COBL: variants seen among roughly 807,000 people sequenced by gnomAD.
The protein encoded by COBL is cordon-bleu WH2 repeat protein, also known as protein cordon-bleu.
Under a neutral mutation model 98.8 loss-of-function variants are expected in COBL, and 51 were observed. The observed-to-expected ratio is 0.52, with a 90% CI of 0.41 to 0.65. COBL has a LOEUF of 0.65. Ranked by LOEUF, COBL falls within the 30% of genes least tolerant of loss-of-function variation. The probability of loss-of-function intolerance (pLI) is 0.00; values close to 1 mark genes in which losing one functional copy is unlikely to be tolerated. For synonymous variants in COBL, 634 were observed against 651.7 expected, an observed-to-expected ratio of 0.97 and a Z score of 0.41; for missense variants, 1,617 against 1,617.5, an observed-to-expected ratio of 1.00 and a Z score of 0.01.
At chr7:51,221,090 G>A (rs1793597809) in intron 1 of COBL, among the ~76,000 whole-genome samples, 1 of 152,116 alleles carries the variant, frequency 6.6e-6, no homozygotes, top group Non-Finnish European at 1.5e-5. Context: ...TGAGAGATCT[G>A]TGGCTCACCT....
rs778585556 is a variant in COBL at position 51,025,371 on chromosome 7, A to C, written c.3506T>G (p.Val1169Gly). 6.2e-7 allele frequency: 1 copy of C among 1,613,204 alleles called. No homozygotes were observed. Among genetic ancestry groups the C allele is most frequent in the Non-Finnish European group, 8.5e-7 (1 of 1,180,000 alleles). Reference sequence around the variant, plus strand: ...GAGCTCCTCAGAAGCAGAGGATGCCACCTGGCAATGAGATGATTAAATGAC... The same window carrying C: ...GAGCTCCTCAGAAGCAGAGGATGCCCCCTGGCAATGAGATGATTAAATGAC... ...GHSGTCSLRK[V>G]ASSASEELQS... Residue 1169 changes from valine (V) to glycine (G), a missense_variant and splice_region_variant, in exon 12 of 13, where the codon GTG becomes GGG. By Grantham distance (109) the Val-to-Gly change is moderately radical. Transcript: ENST00000265136.
chr7:51,202,586 A>G (rs1468955214), intron 2 of COBL, among the ~76,000 whole-genome samples: 1 of 152,240 alleles, frequency 6.6e-6, no homozygotes, highest in East Asian at 1.9e-4. Context: ...GAAACTACAC[A>G]ACACAATCTT....
At position 51,202,589 on chromosome 7, in the gene COBL, A is replaced by G. The variant is rs138182009; in HGVS notation, c.246-9000T>C. ...CTACGGTACATGGAAACTACACAAC[A>G]CAATCTTGAGCAACCACTGAGTCAA... is the stretch of plus-strand genomic sequence containing the variant. On this transcript the variant is annotated intron_variant, in intron 2 of 12. Coordinates refer to ENST00000265136, the MANE Select transcript of COBL (RefSeq NM_015198.5). Among the ~76,000 whole-genome samples the G allele has an allele frequency of 3.0e-3, 456 of 152,352 alleles. 9 individuals are homozygous for G. Among genetic ancestry groups the G allele is most frequent in the Admixed American group, 0.027 (413 of 15,302 alleles).
chr7:51,147,062 T>G (rs777968434), intron 5 of COBL, among the ~76,000 whole-genome samples: 1 of 152,166 alleles, frequency 6.6e-6, no homozygotes, highest in African/African-American at 2.4e-5. Context: ...CAGAAGGCAC[T>G]GCAGAGGGGA....
At chr7:51,190,653 G>A (rs1213427319) in intron 4 of COBL, among the ~76,000 whole-genome samples, 197 bp downstream of exon 4, 2 of 152,166 alleles carry the variant, frequency 1.3e-5, no homozygotes, top group Non-Finnish European at 2.9e-5. Context: ...TGGGAGAAAG[G>A]AGGCACAGCT....
At chr7:51,020,931 C>T (rs1374681163) in intron 12 of COBL, 1 of 152,230 alleles carries the variant, frequency 6.6e-6, no homozygotes, top group Non-Finnish European at 1.5e-5. Flanking sequence ...TGTATTTGAT[C>T]ATGGGCAGCT....
intron 1 of COBL, among the ~76,000 whole-genome samples, chr7:51,223,174 G>A (rs1293452829): frequency 1.3e-5 from 2 of 152,262 alleles, no homozygotes; most frequent in Non-Finnish European, 2.9e-5. Flanking sequence ...ACTGGCTGTG[G>A]CCTAAGCTGC....
At chr7:51,051,368 T>A (rs1263782801) in intron 7 of COBL, among the ~76,000 whole-genome samples, 1 of 152,264 alleles carries the variant, frequency 6.6e-6, no homozygotes, top group African/African-American at 2.4e-5. Context: ...AAGATGTGTA[T>A]TTAATTTCCA....
At chr7:51,038,376 G>A (rs2128882379) in intron 8 of COBL, among the ~76,000 whole-genome samples, 1 of 152,314 alleles carries the variant, frequency 6.6e-6, no homozygotes, top group East Asian at 1.9e-4. Flanking sequence ...GTTTTTAGCT[G>A]TGGCCAGCCC....
chr7:51,077,241 G>C (rs1793180952), intron 7 of COBL, among the ~76,000 whole-genome samples: 1 of 152,170 alleles, frequency 6.6e-6, no homozygotes, highest in Non-Finnish European at 1.5e-5. Context: ...CATGATTAAA[G>C]ACCACAGACC....
rs115611241 is a variant in COBL, at chr7:51,211,685, A to C, written c.245+8056T>G. 3.3e-3 allele frequency among the ~76,000 whole-genome samples: 508 copies of C among 152,338 alleles called. 4 individuals carry two copies. The highest frequency in any genetic ancestry group is 0.012 in the African/African-American group (487 of 41,580). On this transcript the variant is annotated intron_variant, in intron 2 of 12. Transcript: ENST00000265136. ...AGCAACATCTTTGAAGCAATGCAGA[A>C]TAGAGTTTCTCCAATTGTACAAAGA...
chr7:51,240,504 G>C (rs1268758025), intron 1 of COBL, among the ~76,000 whole-genome samples: 1 of 152,088 alleles, frequency 6.6e-6, no homozygotes, highest in Admixed American at 6.6e-5. Flanking sequence ...ATCAGCAACT[G>C]GCTCTACGGA....
Position 51,261,741 on chromosome 7 carries a change from C to T in COBL, c.42-41797G>A, listed in dbSNP as rs543301631. Among the ~76,000 whole-genome samples the T allele has an allele frequency of 2.2e-4, 34 of 152,190 alleles. No homozygotes were observed. The East Asian group carries it at 3.1e-3, about 14-fold the overall frequency. On this transcript the variant is annotated intron_variant, in intron 1 of 12. Transcript: ENST00000265136. ...CAGCACTTTGAGAGGCCGAAGTAGG[C>T]GGATCACCTGAGGTCAGGAGTTTGA... is the stretch of plus-strand genomic sequence containing the variant.
At position 51,153,387 on chromosome 7, in the gene COBL, A is replaced by G. The variant is rs542943377; in HGVS notation, c.784-17056T>C. Among the ~76,000 whole-genome samples, 5 of 152,374 alleles carry G rather than the reference A, an allele frequency of 3.3e-5. No individual in the cohort carries two copies. The South Asian group carries it at 1.0e-3, about 32-fold the overall frequency. On this transcript the variant is annotated intron_variant, in intron 5 of 12. Transcript: ENST00000265136. The stretch of plus-strand genomic sequence containing the variant: ...ATTTTAAAATAACTAGAATAAAGTA[A>G]AAACAAGAAGTCATCCCTATTCTAT...
chr7:51,209,573 C>G (rs988590243), intron 2 of COBL, among the ~76,000 whole-genome samples: 1 of 152,214 alleles, frequency 6.6e-6, no homozygotes, highest in Non-Finnish European at 1.5e-5. Flanking sequence ...GCAGACACGA[C>G]AGTCCACAGA....
At chr7:51,283,528 A>C (rs893096041) in intron 1 of COBL, among the ~76,000 whole-genome samples, 2 of 152,202 alleles carry the variant, frequency 1.3e-5, no homozygotes, top group African/African-American at 4.8e-5. Context: ...CTTGTTGCCC[A>C]GGCTGGAGTG....
At chr7:51,244,523 G>T (rs1796113666) in intron 1 of COBL, among the ~76,000 whole-genome samples, 1 of 152,112 alleles carries the variant, frequency 6.6e-6, no homozygotes, top group Non-Finnish European at 1.5e-5. Context: ...GCTGCCATTT[G>T]ACAATACAGA....
chr7:51,068,011 G>A (rs1416697728), intron 7 of COBL, among the ~76,000 whole-genome samples: 2 of 152,186 alleles, frequency 1.3e-5, no homozygotes, highest in Non-Finnish European at 2.9e-5. Flanking sequence ...TGCTGCCCTG[G>A]TGCCTGCCGC....
chr7:51,267,279 C>T (rs76968257), intron 1 of COBL, among the ~76,000 whole-genome samples: 1 of 152,164 alleles, frequency 6.6e-6, no homozygotes, highest in Admixed American at 6.5e-5. Flanking sequence ...AGATTTTCCT[C>T]TGTTCAGGCA....
Sources: allele counts gnomAD v4.1 joint callset (sites outside exome capture counted in the v4.1 genomes callset), GRCh38; gene constraint gnomAD v4.1.1; transcripts MANE v1.5; gene names NCBI Gene and HGNC (gene_info 2026-07-23, HGNC 2026-07-21).